FDFT1: variants seen among roughly 807,000 people sequenced by gnomAD.
FDFT1 encodes farnesyl-diphosphate farnesyltransferase 1, also known as squalene synthase.
In FDFT1, 68 loss-of-function variants were observed where a neutral mutation model predicts 46.8. That is an observed-to-expected ratio of 1.45 (90% CI 1.19 to 1.78). FDFT1 has a LOEUF of 1.78. Ranked by LOEUF, FDFT1 falls within the 40% of genes most tolerant of loss-of-function variation. The pLI is 0.00. For synonymous variants in FDFT1, 351 were observed against 185.1 expected, an observed-to-expected ratio of 1.90 and a Z score of -7.28; for missense variants, 928 against 524.4, an observed-to-expected ratio of 1.77 and a Z score of -7.52.
At position 11,830,413 on chromosome 8, in the gene FDFT1, T is replaced by C; in HGVS notation, c.872T>C (p.Ile291Thr). 1 of 1,612,840 alleles carries C rather than the reference T, an allele frequency of 6.2e-7. No individual in the cohort carries two copies. Among genetic ancestry groups the C allele is most frequent in the Non-Finnish European group, 8.5e-7 (1 of 1,179,194 alleles). ...CAGAGTGTGTTTAACTTCTGTGCTATTCCACAGGTAGGGAAGGGGGCTCCT... is the reference window on the plus strand; with the variant it reads ...CAGAGTGTGTTTAACTTCTGTGCTACTCCACAGGTAGGGAAGGGGGCTCCT... ...RNQSVFNFCA[I>T]PQVMAIATLA... The change falls in exon 6 of 8, where the codon ATT becomes ACT. Residue 291 changes from isoleucine to threonine, a missense_variant. By Grantham distance (89) the Ile-to-Thr change is moderately conservative (BLOSUM62 -1). Coordinates refer to ENST00000220584, the MANE Select transcript of FDFT1 (RefSeq NM_004462.5).
At chr8:11,810,692 C>T (rs1164947255) in intron 3 of FDFT1, among the ~76,000 whole-genome samples, 1 of 152,132 alleles carries the variant, frequency 6.6e-6, no homozygotes, top group African/African-American at 2.4e-5. Context: ...CATGTCTTAT[C>T]ACACAAATAA....
chr8:11,834,452 T>C (rs899874887), intron 7 of FDFT1, among the ~76,000 whole-genome samples: 1 of 152,202 alleles, frequency 6.6e-6, no homozygotes, highest in African/African-American at 2.4e-5. Context: ...CTCTGCACAC[T>C]TCCTGTGCCC....
In FDFT1 at chr8:11,831,510, GTC is replaced by G; in HGVS notation, c.880-4_880-3del. ...CTTCTTTTTTCCCTCTCTTCTTGTT[GTC>G]TCTAGGTGATGGCCATTGCCACTTT... On this transcript the variant is annotated splice_region_variant and splice_polypyrimidine_tract_variant and intron_variant, in intron 6 of 7. Transcript: ENST00000220584. 1.2e-6 allele frequency: 2 copies of G among 1,612,566 alleles called. No individual in the cohort carries two copies. The highest frequency in any genetic ancestry group is 1.7e-6 in the Non-Finnish European group (2 of 1,179,072).
intron 3 of FDFT1, among the ~76,000 whole-genome samples, chr8:11,817,452 C>T (rs545206525): frequency 6.6e-6 from 1 of 152,218 alleles, no homozygotes; most frequent in Non-Finnish European, 1.5e-5. Context: ...ACCAGCTCCT[C>T]TTTGTACCTC....
In FDFT1 at chr8:11,803,644, C is replaced by G. The variant is rs565841691; in HGVS notation, c.99+713C>G. 1.8e-4 allele frequency: 87 copies of G among 476,338 alleles called. 2 individuals are homozygous for G. Among genetic ancestry groups the G allele is most frequent in the South Asian group, 1.8e-3 (72 of 40,242 alleles). The allele number at this position is 476,338 out of a possible 1,614,324, so 29.5% of individuals were successfully genotyped here. On this transcript the variant is annotated intron_variant, in intron 1 of 7. Transcript: ENST00000220584. ...CGTACGCGATTATTGAATGAATAGA[C>G]AAATTCAGCCAAGTTCTTCTGGTCT...
upstream of FDFT1, chr8:11,802,665 G>A (rs773902124): frequency 3.2e-6 from 2 of 622,382 alleles, no homozygotes; most frequent in Non-Finnish European, 2.8e-6. Flanking sequence ...GCTGGCGGCC[G>A]AGGCCGGTTG....
At chr8:11,807,299 C>G (rs1011943746) in intron 1 of FDFT1, among the ~76,000 whole-genome samples, 1 of 152,110 alleles carries the variant, frequency 6.6e-6, no homozygotes, top group African/African-American at 2.4e-5. Flanking sequence ...TATAGGTGGG[C>G]GCCACCACAC....
chr8:11,803,677 C>A, intron 1 of FDFT1: 1 of 332,838 alleles, frequency 3.0e-6, no homozygotes, highest in Non-Finnish European at 5.1e-6. Flanking sequence ...TCTGGACCAG[C>A]CTGGCTGATT....
chr8:11,809,645 AAT>A lies in FDFT1; in HGVS notation c.198-20_198-19del, dbSNP rs779009793. On this transcript the variant is annotated intron_variant, in intron 2 of 7. Coordinates refer to ENST00000220584, the MANE Select transcript of FDFT1 (RefSeq NM_004462.5). ...CTTTGGCTGTTTGTTCCAATATATT[AAT>A]AGTTTTCCCTTTTTTACAGCAACGC... 2.5e-5 allele frequency: 39 copies of A among 1,573,200 alleles called. No homozygotes were observed. The highest frequency in any genetic ancestry group is 3.3e-5 in the Non-Finnish European group (38 of 1,161,128).
At chr8:11,828,954 G>A (rs1235555633) in intron 5 of FDFT1, among the ~76,000 whole-genome samples, 1 of 152,180 alleles carries the variant, frequency 6.6e-6, no homozygotes, top group Non-Finnish European at 1.5e-5. Flanking sequence ...ATGGTGAATA[G>A]TACTGTGTAC....
intron 2 of FDFT1, 33 bp from the exon 3 acceptor site, chr8:11,809,634 T>A (rs1807416381): frequency 6.5e-7 from 1 of 1,546,762 alleles, no homozygotes; most frequent in South Asian, 1.2e-5. Flanking sequence ...GGCTGTTTGT[T>A]CCAATATATT....
At chr8:11,834,343 T>C (rs1811253917) in intron 7 of FDFT1, among the ~76,000 whole-genome samples, 1 of 152,364 alleles carries the variant, frequency 6.6e-6, no homozygotes, top group South Asian at 2.1e-4. Flanking sequence ...ATCAACCTGC[T>C]ATTTTGGGAT....
At chr8:11,808,495 A>G (rs1807202699) in intron 1 of FDFT1, 1 of 1,327,380 alleles carries the variant, frequency 7.5e-7, no homozygotes. Flanking sequence ...TGGAGGAAAA[A>G]CTCCGCGGGG....
In FDFT1 at chr8:11,821,803, C is replaced by G. The variant is rs1014712965; in HGVS notation, c.435C>G (p.Asp145Glu). 1.2e-6 allele frequency: 2 copies of G among 1,613,622 alleles called. No homozygotes were observed. The highest frequency in any genetic ancestry group is 1.7e-5 in the Admixed American group (1 of 59,978). ...AGAAATACCAAACAGTGATTGCCGA[C>G]ATTTGCCGGAGAATGGGCATTGGGA... The part of the protein sequence containing the change: ...LAEKYQTVIA[D>E]ICRRMGIGMA... Residue 145 changes from aspartate (D) to glutamate (E), a missense_variant, in exon 4 of 8, where the codon GAC (aspartate) becomes GAG (glutamate). By Grantham distance (45) the Asp-to-Glu change is conservative. Coordinates refer to ENST00000220584, the MANE Select transcript of FDFT1 (RefSeq NM_004462.5).
At chr8:11,802,720 C>A, upstream of FDFT1, 1 of 813,584 alleles carries the variant, frequency 1.2e-6, no homozygotes, top group Non-Finnish European at 2.0e-6. Flanking sequence ...CTAGGCCTGC[C>A]CCCTGTCCGG....
At chr8:11,833,274 G>T (rs1811105722) in intron 7 of FDFT1, among the ~76,000 whole-genome samples, 1 of 152,170 alleles carries the variant, frequency 6.6e-6, no homozygotes, top group Non-Finnish European at 1.5e-5. Flanking sequence ...TAATCTCAGG[G>T]AAACTTGAGG....
At chr8:11,827,673 C>T (rs1442837322) in intron 5 of FDFT1, among the ~76,000 whole-genome samples, 1 of 152,272 alleles carries the variant, frequency 6.6e-6, no homozygotes, top group Middle Eastern at 3.4e-3. Flanking sequence ...AGATAGTTCA[C>T]AGGAAGAGAC....
chr8:11,809,340 T>G (rs1332331323), intron 2 of FDFT1: 53 of 1,101,298 alleles, frequency 4.8e-5, no homozygotes, highest in Non-Finnish European at 5.8e-5. Flanking sequence ...TTTGACTTTC[T>G]TTTCTATTTG....
chr8:11,825,641 C>T (rs886727445), intron 4 of FDFT1, among the ~76,000 whole-genome samples: 11 of 150,508 alleles, frequency 7.3e-5, no homozygotes, highest in East Asian at 5.8e-4. Context: ...TTGCTTGGGT[C>T]CAGTAGTTTG....
Sources: allele counts gnomAD v4.1 joint callset (sites outside exome capture counted in the v4.1 genomes callset), GRCh38; gene constraint gnomAD v4.1.1; transcripts MANE v1.5; gene names NCBI Gene and HGNC (gene_info 2026-07-23, HGNC 2026-07-21).